Variants in IGSF9B observed in about 807,000 individuals in gnomAD.
IGSF9B encodes the protein protein turtle homolog B.
Under a neutral mutation model 143.7 loss-of-function variants are expected in IGSF9B, and 48 were observed. The observed-to-expected ratio is 0.33, with a 90% CI of 0.26 to 0.42. The LOEUF is 0.42. Ranked by LOEUF, IGSF9B falls within the 20% of genes least tolerant of loss-of-function variation. The pLI, the probability that IGSF9B is intolerant of heterozygous loss-of-function variation, is 1.00. For synonymous variants in IGSF9B, 903 were observed against 833.1 expected (o/e 1.08, Z -1.44); for missense variants, 1,706 against 1,980.0 (o/e 0.86, Z 2.63).
Position 133,926,339 on chromosome 11 carries a change from G to A in IGSF9B, c.1808-374C>T, listed in dbSNP as rs569346179. On this transcript the variant is annotated intron_variant, in intron 13 of 19. Coordinates refer to ENST00000533871, the MANE Select transcript of IGSF9B (RefSeq NM_001277285.4). ...CACAGAGGTGCCAAGGACTGGGGGT[G>A]AGCATCCCAGACTGCTGTCCACCTT... 1.7e-3 allele frequency among the ~76,000 whole-genome samples: 259 copies of A among 152,358 alleles called. 1 individual carries two copies. The highest frequency in any genetic ancestry group is 7.5e-3 in the South Asian group (36 of 4,828).
At chr11:133,930,000 G>C (rs75101691) in intron 11 of IGSF9B, among the ~76,000 whole-genome samples, 1 of 152,158 alleles carries the variant, frequency 6.6e-6, no homozygotes, top group South Asian at 2.1e-4. Context: ...CCCACTGTGC[G>C]GTCTAGTCCA....
intron 18 of IGSF9B, among the ~76,000 whole-genome samples, chr11:133,917,511 G>A (rs916347537): frequency 6.6e-6 from 1 of 152,094 alleles, no homozygotes; most frequent in Non-Finnish European, 1.5e-5. Context: ...CATGACCCAG[G>A]GAGGACGACA....
At chr11:133,912,902 G>A (rs920270083) in intron 18 of IGSF9B, among the ~76,000 whole-genome samples, 2 of 152,216 alleles carry the variant, frequency 1.3e-5, no homozygotes, top group Non-Finnish European at 2.9e-5. Context: ...GGCCACACCC[G>A]TGAGGCAGCC....
rs1939633940 is a variant in IGSF9B at position 133,926,810 on chromosome 11, T to C, written c.1807+106A>G. On this transcript the variant is annotated intron_variant, in intron 13 of 19. Coordinates refer to ENST00000533871, the MANE Select transcript of IGSF9B (RefSeq NM_001277285.4). ...CAGATGGCACGGCTCTGTGGAGCACTCAGCAAGGTACCGGCACACAGGAGG... is the reference window on the plus strand; with the variant it reads ...CAGATGGCACGGCTCTGTGGAGCACCCAGCAAGGTACCGGCACACAGGAGG... 1.5e-5 allele frequency: 14 copies of C among 920,080 alleles called. No individual in the cohort carries two copies. The East Asian group carries it at 3.8e-4, about 25-fold the overall frequency. The allele number at this position is 920,080 out of a possible 1,614,324, so 57.0% of individuals were successfully genotyped here.
rs1939157667 is a variant in IGSF9B at position 133,902,650 on chromosome 11, A to T, written c.*6419T>A. Among the ~76,000 whole-genome samples the T allele has an allele frequency of 6.6e-6, 1 of 152,020 alleles. No homozygotes were observed. Among genetic ancestry groups the T allele is most frequent in the African/African-American group, 2.4e-5 (1 of 41,376 alleles). ...CTAGACAGCTGGCTGGGGGTTAGAGACCAGGGGGACAACCTGGTGCCTGCA... is the reference window on the plus strand; with the variant it reads ...CTAGACAGCTGGCTGGGGGTTAGAGTCCAGGGGGACAACCTGGTGCCTGCA... On this transcript the variant is annotated 3_prime_UTR_variant, in exon 20 of 20. Transcript: ENST00000533871.
intron 17 of IGSF9B, 133 bp downstream of exon 17, chr11:133,922,044 G>A: frequency 1.3e-6 from 1 of 743,040 alleles, no homozygotes; most frequent in South Asian, 1.7e-5. Flanking sequence ...GGCTGGGCAA[G>A]TACAATTAAC....
intron 18 of IGSF9B, among the ~76,000 whole-genome samples, chr11:133,918,608 G>C (rs1056689614): frequency 2.0e-5 from 3 of 152,170 alleles, no homozygotes; most frequent in Non-Finnish European, 4.4e-5. Context: ...AGCAGCCCGC[G>C]GTGGGGCTGC....
intron 7 of IGSF9B, among the ~76,000 whole-genome samples, chr11:133,934,313 AGGTGG>A (rs1939784359): frequency 2.0e-5 from 3 of 152,224 alleles, no homozygotes; most frequent in African/African-American, 7.2e-5. Flanking sequence ...ACTCCGTGCC[AGGTGG>A]CACAGCCTGC....
In IGSF9B at chr11:133,904,504, G is replaced by C. The variant is rs1245592783; in HGVS notation, c.*4565C>G. ...AGACCTCTCCCAAGATCCAGTCTGC[G>C]TTCACATGCAGGACCCCACCCCACA... is the stretch of plus-strand genomic sequence containing the variant. On this transcript the variant is annotated 3_prime_UTR_variant, in exon 20 of 20. Transcript: ENST00000533871. Among the ~76,000 whole-genome samples the C allele has an allele frequency of 6.6e-6, 1 of 152,144 alleles. No homozygotes were observed.
At position 133,928,474 on chromosome 11, in the gene IGSF9B, A is replaced by G. The variant is rs1939668657; in HGVS notation, c.1631+1197T>C. ...AACTTCCCTCGCTGCTGAGAAGTGG[A>G]TAAAGGGGTCTCCCTGAACCCCCTG... On this transcript the variant is annotated intron_variant, in intron 12 of 19. Coordinates refer to ENST00000533871, the MANE Select transcript of IGSF9B (RefSeq NM_001277285.4). The surrounding 1 kb of genome is among the most constrained non-coding windows in gnomAD (Gnocchi z 4.7). 6.6e-6 allele frequency among the ~76,000 whole-genome samples: 1 copy of G among 152,164 alleles called. No homozygotes were observed. The highest frequency in any genetic ancestry group is 1.5e-5 in the Non-Finnish European group (1 of 68,030).
Position 133,931,600 on chromosome 11 carries a change from G to A in IGSF9B, c.1252-31C>T, listed in dbSNP as rs896798994. On this transcript the variant is annotated intron_variant, in intron 9 of 19. Coordinates refer to ENST00000533871, the MANE Select transcript of IGSF9B (RefSeq NM_001277285.4). The surrounding 1 kb of genome is among the most constrained non-coding windows in gnomAD (Gnocchi z 7.7). ...GAGGAAAGCACAGGCACCCTCGTGA[G>A]GCCGGGGATCCAGGTGCCCAGCTCA... 1.2e-6 allele frequency: 2 copies of A among 1,609,850 alleles called. No individual in the cohort carries two copies. Among genetic ancestry groups the A allele is most frequent in the African/African-American group, 2.7e-5 (2 of 74,854 alleles).
At chr11:133,938,669 C>T (rs1417140165) in intron 3 of IGSF9B, among the ~76,000 whole-genome samples, 2 of 152,160 alleles carry the variant, frequency 1.3e-5, no homozygotes, top group Non-Finnish European at 2.9e-5. Flanking sequence ...CAATCTTAAC[C>T]CCTTGGACTA....
rs1939141855 is a variant in IGSF9B at position 133,902,211 on chromosome 11, C to A, written c.*6858G>T. On this transcript the variant is annotated 3_prime_UTR_variant, in exon 20 of 20. Transcript: ENST00000533871. ...ACACACCAGACACACCACAAGCATA[C>A]ACCACACGCAACATACACACACCAA... Among the ~76,000 whole-genome samples, 2 of 146,538 alleles carry A rather than the reference C, an allele frequency of 1.4e-5. No individual in the cohort carries two copies. Among genetic ancestry groups the A allele is most frequent in the African/African-American group, 5.1e-5 (2 of 39,402 alleles).
intron 3 of IGSF9B, among the ~76,000 whole-genome samples, chr11:133,943,147 A>G (rs1027172012): frequency 6.6e-6 from 1 of 152,078 alleles, no homozygotes. Flanking sequence ...CACAGCATCT[A>G]TGGTCTCAAG....
intron 3 of IGSF9B, 81 bp from the exon 4 acceptor site, chr11:133,938,042 C>T (rs1413358385): frequency 2.1e-6 from 3 of 1,461,406 alleles, no homozygotes; most frequent in East Asian, 4.7e-5. Context: ...CCCCACACAT[C>T]ACCCTCGCTG....
Position 133,920,680 on chromosome 11 carries a change from C to A in IGSF9B, c.3045G>T (p.Glu1015Asp), listed in dbSNP as rs1264815887. 1 of 1,613,526 alleles carries A rather than the reference C, an allele frequency of 6.2e-7. No individual in the cohort carries two copies. The highest frequency in any genetic ancestry group is 1.7e-5 in the Admixed American group (1 of 60,024). ...GPFGHPTIPE[E>D]NGENASNSTL... Reference sequence around the variant, plus strand: ...TGCTGTTGGATGCATTCTCTCCATTCTCCTCGGGGATGGTGGGGTGGCCAA... The same window carrying A: ...TGCTGTTGGATGCATTCTCTCCATTATCCTCGGGGATGGTGGGGTGGCCAA... The change falls in exon 18 of 20, where the codon GAG (glutamate) becomes GAT (aspartate). Residue 1015 changes from glutamate (E) to aspartate (D), a missense_variant. Glu to Asp is a conservative substitution (Grantham distance 45, BLOSUM62 2). Coordinates refer to ENST00000533871, the MANE Select transcript of IGSF9B (RefSeq NM_001277285.4).
chr11:133,937,551 C>A, intron 4 of IGSF9B, 58 bp from the exon 5 acceptor site: 1 of 1,373,638 alleles, frequency 7.3e-7, no homozygotes, highest in East Asian at 2.3e-5. Flanking sequence ...CGCTGCTACC[C>A]TCAAACACGG....
chr11:133,919,146 A>G (rs575747028), intron 18 of IGSF9B: 4 of 433,710 alleles, frequency 9.2e-6, no homozygotes, highest in Non-Finnish European at 1.9e-5. Context: ...CGTGTCCTGC[A>G]CATGGTCACA....
In IGSF9B at chr11:133,908,073, G is replaced by C. The variant is rs1939237689; in HGVS notation, c.*996C>G. Among the ~76,000 whole-genome samples, 1 of 152,248 alleles carries C rather than the reference G, an allele frequency of 6.6e-6. No individual in the cohort carries two copies. Among genetic ancestry groups the C allele is most frequent in the South Asian group, 2.1e-4 (1 of 4,836 alleles). ...AAATAGAGCCGGCAGCTTGGCGCTA[G>C]CACAGGTGGCTCCGCAGTGGGGAGA... is the stretch of plus-strand genomic sequence containing the variant. On this transcript the variant is annotated 3_prime_UTR_variant, in exon 20 of 20. Transcript: ENST00000533871.
Sources: gnomAD v4.1 joint callset for allele counts (sites outside exome capture counted in the v4.1 genomes callset) on GRCh38, gnomAD v4.1.1 for gene constraint, Gnocchi (gnomAD v3.1) non-coding constraint, MANE v1.5 for transcripts, NCBI Gene and HGNC (gene_info 2026-07-23, HGNC 2026-07-21) for gene names.